Variants in ADK observed in about 807,000 individuals in gnomAD.
ADK encodes N6,N6-dimethyladenosine kinase.
A neutral mutation model predicts 44.7 loss-of-function variants in ADK; 24 were observed. The observed-to-expected ratio is 0.54, with a 90% CI of 0.39 to 0.76. ADK has a LOEUF of 0.76. Ranked by LOEUF, ADK falls within the 30% of genes least tolerant of loss-of-function variation. ADK has a pLI of 0.00. For synonymous variants in ADK, 128 were observed against 142.6 expected (o/e 0.90, Z 0.73); for missense variants, 321 against 425.1 (o/e 0.76, Z 2.15).
chr10:74,408,940 A>G (rs1272588347), intron 6 of ADK, among the ~76,000 whole-genome samples: 1 of 152,122 alleles, frequency 6.6e-6, no homozygotes, highest in Non-Finnish European at 1.5e-5. Context: ...TCAAATTCAT[A>G]TTGTTATAGT....
chr10:74,269,826 G>A (rs550004896), intron 3 of ADK, among the ~76,000 whole-genome samples: 2 of 152,112 alleles, frequency 1.3e-5, no homozygotes, highest in African/African-American at 4.8e-5. Flanking sequence ...GGGAAACCCT[G>A]TGTCTACTAA....
chr10:74,688,321 A>G (rs1244574683), intron 10 of ADK, among the ~76,000 whole-genome samples: 3 of 152,056 alleles, frequency 2.0e-5, no homozygotes, highest in Non-Finnish European at 1.5e-5. Flanking sequence ...GTTTTTGTCT[A>G]TTTCCCCCAT....
chr10:74,345,444 A>G (rs1841732955), intron 4 of ADK, among the ~76,000 whole-genome samples: 1 of 152,068 alleles, frequency 6.6e-6, no homozygotes, highest in Non-Finnish European at 1.5e-5. Context: ...AGTAGCTGGG[A>G]TTACAGGTGC....
At chr10:74,192,751 T>G (rs1374944394) in intron 1 of ADK, among the ~76,000 whole-genome samples, 4 of 150,934 alleles carry the variant, frequency 2.7e-5, no homozygotes, top group African/African-American at 9.8e-5. Flanking sequence ...GGTCTTGAGC[T>G]CTGGCCTCAA....
At chr10:74,553,200 T>TG (rs1850100892) in intron 7 of ADK, among the ~76,000 whole-genome samples, 1 of 121,258 alleles carries the variant, frequency 8.2e-6, no homozygotes, top group Middle Eastern at 3.4e-3. Flanking sequence ...GTTTTTTTTT[T>TG]TTTTTTTTTT....
At chr10:74,240,102 C>T (rs1289158692) in intron 3 of ADK, among the ~76,000 whole-genome samples, 4 of 151,944 alleles carry the variant, frequency 2.6e-5, no homozygotes, top group African/African-American at 9.7e-5. Context: ...GCAACCTCTA[C>T]CTCCCAGGTT....
At chr10:74,297,721 A>T (rs551450626) in intron 3 of ADK, among the ~76,000 whole-genome samples, 126 of 152,244 alleles carry the variant, frequency 8.3e-4, no homozygotes, top group Non-Finnish European at 1.5e-3. Context: ...AGCATATTTT[A>T]TGACACATGA....
chr10:74,171,810 C>CTG (rs144943440), intron 1 of ADK, among the ~76,000 whole-genome samples: 2,888 of 144,068 alleles, frequency 0.02, 34 homozygotes, highest in East Asian at 0.036. Flanking sequence ...CTCTGTCTCT[C>CTG]TGTGTGTGTG....
chr10:74,452,294 C>A (rs1307087366), intron 6 of ADK, among the ~76,000 whole-genome samples: 7 of 151,938 alleles, frequency 4.6e-5, no homozygotes, highest in Admixed American at 6.6e-5. Flanking sequence ...CCTACAGCTT[C>A]TGTAGTACTA....
intron 3 of ADK, among the ~76,000 whole-genome samples, chr10:74,303,081 A>G (rs941219424): frequency 4.6e-5 from 6 of 130,708 alleles, no homozygotes; most frequent in African/African-American, 1.2e-4. Flanking sequence ...TGTTTGTCCT[A>G]TGAGAGTTTA....
intron 3 of ADK, among the ~76,000 whole-genome samples, chr10:74,238,452 C>T (rs976238761): frequency 1.3e-5 from 2 of 152,108 alleles, no homozygotes; most frequent in African/African-American, 2.4e-5. Context: ...GACTTAGAAA[C>T]GGCCTCAGTA....
At chr10:74,316,611 A>C (rs1840630023) in intron 4 of ADK, among the ~76,000 whole-genome samples, 1 of 152,206 alleles carries the variant, frequency 6.6e-6, no homozygotes, top group South Asian at 2.1e-4. Context: ...CATGATTATA[A>C]GTTTTCAGAG....
At chr10:74,585,754 T>C (rs996203903) in intron 7 of ADK, among the ~76,000 whole-genome samples, 3 of 152,206 alleles carry the variant, frequency 2.0e-5, no homozygotes, top group Non-Finnish European at 4.4e-5. Flanking sequence ...TCTCCACATG[T>C]CACATCCACT....
intron 3 of ADK, among the ~76,000 whole-genome samples, chr10:74,300,988 A>G (rs1198121817): frequency 6.6e-6 from 1 of 152,216 alleles, no homozygotes; most frequent in Non-Finnish European, 1.5e-5. Context: ...TTACATTAGA[A>G]GTGATTAATC....
chr10:74,212,694 A>G (rs1441324810), intron 2 of ADK, among the ~76,000 whole-genome samples: 1 of 152,234 alleles, frequency 6.6e-6, no homozygotes, highest in Non-Finnish European at 1.5e-5. Context: ...AAGCAGGCAG[A>G]TGACATGGTT....
At chr10:74,552,610 T>G (rs1383576253) in intron 7 of ADK, among the ~76,000 whole-genome samples, 1 of 135,294 alleles carries the variant, frequency 7.4e-6, no homozygotes, top group East Asian at 2.0e-4. Flanking sequence ...TAATAAAGCT[T>G]TTTTTTTTTT....
At chr10:74,480,023 A>G (rs1331970299) in intron 6 of ADK, among the ~76,000 whole-genome samples, 1 of 152,032 alleles carries the variant, frequency 6.6e-6, no homozygotes, top group Non-Finnish European at 1.5e-5. Context: ...ATCTTCTAAT[A>G]CATTTCTCAG....
chr10:74,429,131 T>C (rs896454270), intron 6 of ADK, among the ~76,000 whole-genome samples: 5 of 152,362 alleles, frequency 3.3e-5, no homozygotes, highest in African/African-American at 4.8e-5. Context: ...AAAGTTTAGA[T>C]AAATTGTCCT....
At chr10:74,457,217 A>C (rs907758249) in intron 6 of ADK, among the ~76,000 whole-genome samples, 2 of 152,218 alleles carry the variant, frequency 1.3e-5, no homozygotes, top group African/African-American at 4.8e-5. Flanking sequence ...ACGCAAATAA[A>C]CTAGAAAATC....
Sources: gnomAD v4.1 joint callset for allele counts (sites outside exome capture counted in the v4.1 genomes callset) on GRCh38, gnomAD v4.1.1 for gene constraint, MANE v1.5 for transcripts, NCBI Gene and HGNC (gene_info 2026-07-23, HGNC 2026-07-21) for gene names.